The following ATG10 variants were observed in gnomAD, a reference collection of about 807,000 sequenced individuals.
ATG10 encodes autophagy related 10.
ATG10 carries 30 observed loss-of-function variants against 32.1 expected under a neutral mutation model. The observed-to-expected ratio is 0.94, with a 90% confidence interval of 0.70 to 1.27. The LOEUF is 1.27. Among genes scored for constraint, ATG10 ranks in the 50% most tolerant of loss-of-function variants. The pLI, the probability that ATG10 is intolerant of heterozygous loss-of-function variation, is 0.00. For missense variants in ATG10, 233 were observed against 262.3 expected (o/e 0.89, Z 0.77); for synonymous variants, 87 against 91.5 (o/e 0.95, Z 0.28).
Position 82,185,088 on chromosome 5 carries a change from G to T in ATG10, c.453+6501G>T, listed in dbSNP as rs1326875957. On this transcript the variant is annotated intron_variant, in intron 5 of 7. Transcript: ENST00000282185. ...TCTATTGTGTTGTGTTATTTTGTAC[G>T]CATGTATATGCACACACATGAGCAC... is the stretch of plus-strand genomic sequence containing the variant. 2.6e-5 allele frequency among the ~76,000 whole-genome samples: 4 copies of T among 152,188 alleles called. No homozygotes were observed. In the East Asian group the frequency reaches 7.7e-4, roughly 29 times the overall value.
intron 4 of ATG10, among the ~76,000 whole-genome samples, chr5:82,169,180 G>T (rs1289437289): frequency 6.6e-6 from 1 of 152,124 alleles, no homozygotes; most frequent in Non-Finnish European, 1.5e-5. Flanking sequence ...AAGAGATAAT[G>T]GTTAGGAAGG....
chr5:82,218,225 G>T (rs1363465581), intron 5 of ATG10, among the ~76,000 whole-genome samples: 1 of 152,156 alleles, frequency 6.6e-6, no homozygotes, highest in African/African-American at 2.4e-5. Context: ...CAAGTTCCCT[G>T]TGGAAGTTTA....
rs78027920 is a variant in ATG10, at chr5:82,123,635, A to C, written c.217-40764A>C. The stretch of plus-strand genomic sequence containing the variant: ...ATAAAGACCACCTTTAACATTTAGA[A>C]GTTGGAAATGGAGACCAGGCATGGT... On this transcript the variant is annotated intron_variant, in intron 3 of 7. Transcript: ENST00000282185. Among the ~76,000 whole-genome samples the C allele has an allele frequency of 9.5e-4, 145 of 152,182 alleles. 2 individuals are homozygous for C. The East Asian group carries it at 0.022, about 23-fold the overall frequency.
intron 2 of ATG10, among the ~76,000 whole-genome samples, chr5:81,991,834 T>A (rs1423450379): frequency 6.6e-6 from 1 of 151,314 alleles, no homozygotes; most frequent in East Asian, 1.9e-4. Context: ...TGTATAGGGC[T>A]CCTTTATTTT....
intron 2 of ATG10, among the ~76,000 whole-genome samples, chr5:81,995,340 G>T (rs181954330): frequency 1.3e-5 from 2 of 151,930 alleles, no homozygotes; most frequent in Non-Finnish European, 2.9e-5. Context: ...AGGGGGTGTC[G>T]CCATGTTGGC....
intron 5 of ATG10, among the ~76,000 whole-genome samples, chr5:82,197,279 A>G (rs779923754): frequency 3.9e-5 from 6 of 152,062 alleles, no homozygotes; most frequent in Non-Finnish European, 5.9e-5. Context: ...TATTAGGTCT[A>G]ATAGTTTTTT....
At chr5:82,061,818 C>T (rs1464862929) in intron 3 of ATG10, among the ~76,000 whole-genome samples, 35 of 80,964 alleles carry the variant, frequency 4.3e-4, no homozygotes, top group Admixed American at 1.3e-3. Context: ...ACACACATAC[C>T]TTTTTTTTTT....
intron 2 of ATG10, among the ~76,000 whole-genome samples, chr5:82,021,210 G>C (rs1188648742): frequency 6.6e-6 from 1 of 152,106 alleles, no homozygotes; most frequent in Non-Finnish European, 1.5e-5. Flanking sequence ...TAAAATGTAT[G>C]GAATTTGGTA....
chr5:82,002,466 A>G (rs1761877298), intron 2 of ATG10, among the ~76,000 whole-genome samples: 1 of 152,256 alleles, frequency 6.6e-6, no homozygotes, highest in South Asian at 2.1e-4. Context: ...TAGCCATAAA[A>G]AAAGAAAAAG....
chr5:82,025,128 C>T (rs748654509), intron 2 of ATG10, among the ~76,000 whole-genome samples: 1 of 152,162 alleles, frequency 6.6e-6, no homozygotes. Context: ...AGTTTTACCT[C>T]GGATAGCTTA....
chr5:82,007,952 TTA>T (rs1279517775), intron 2 of ATG10, among the ~76,000 whole-genome samples: 1 of 152,200 alleles, frequency 6.6e-6, no homozygotes. Flanking sequence ...TTCCTAAAAT[TTA>T]GTTACAATTT....
At chr5:82,178,139 C>A (rs1744103517) in intron 4 of ATG10, among the ~76,000 whole-genome samples, 1 of 152,126 alleles carries the variant, frequency 6.6e-6, no homozygotes, top group Non-Finnish European at 1.5e-5. Flanking sequence ...TCAGAGTATT[C>A]ATGGTGCACC....
At chr5:82,010,402 G>C (rs1762097509) in intron 2 of ATG10, among the ~76,000 whole-genome samples, 1 of 152,180 alleles carries the variant, frequency 6.6e-6, no homozygotes, top group African/African-American at 2.4e-5. Context: ...TAAATTTGGA[G>C]TGAAATTATG....
At chr5:82,153,092 C>T (rs1292309012) in intron 3 of ATG10, among the ~76,000 whole-genome samples, 1 of 152,142 alleles carries the variant, frequency 6.6e-6, no homozygotes, top group African/African-American at 2.4e-5. Flanking sequence ...TGGATAAGGC[C>T]TCAAGATGTA....
In ATG10 at chr5:81,983,010, C is replaced by A. The variant is rs1353132509; in HGVS notation, c.-12-4549C>A. 2.6e-5 allele frequency among the ~76,000 whole-genome samples: 4 copies of A among 152,364 alleles called. No homozygotes were observed. In the East Asian group the frequency reaches 7.7e-4, roughly 29 times the overall value. On this transcript the variant is annotated intron_variant, in intron 1 of 7. Coordinates refer to ENST00000282185, the MANE Select transcript of ATG10 (RefSeq NM_031482.5). ...CTCAGTCTTTTCCCCACCTTTCCCC[C>A]CTTTCTATTCCACAAAACCGCCATT...
At chr5:82,036,623 C>T (rs79277337) in intron 2 of ATG10, among the ~76,000 whole-genome samples, 1 of 151,976 alleles carries the variant, frequency 6.6e-6, no homozygotes, top group East Asian at 1.9e-4. Flanking sequence ...TACAAATGCA[C>T]TTTAGTTGAT....
At chr5:82,064,797 A>G (rs969550357) in intron 3 of ATG10, among the ~76,000 whole-genome samples, 7 of 152,174 alleles carry the variant, frequency 4.6e-5, no homozygotes, top group African/African-American at 1.7e-4. Flanking sequence ...AACAATAACA[A>G]TATTATAATA....
intron 5 of ATG10, among the ~76,000 whole-genome samples, chr5:82,214,879 C>T (rs1745618935): frequency 6.6e-6 from 1 of 152,162 alleles, no homozygotes; most frequent in Admixed American, 6.5e-5. Flanking sequence ...GTTTCATTCT[C>T]CACTGTATTA....
chr5:82,094,604 T>A (rs1764993480), intron 3 of ATG10, among the ~76,000 whole-genome samples: 1 of 152,124 alleles, frequency 6.6e-6, no homozygotes, highest in Admixed American at 6.6e-5. Flanking sequence ...TTAAAAAGTA[T>A]TTTTTAAATA....
Sources: gnomAD v4.1 joint callset for allele counts (sites outside exome capture counted in the v4.1 genomes callset) on GRCh38, gnomAD v4.1.1 for gene constraint, MANE v1.5 for transcripts, NCBI Gene and HGNC (gene_info 2026-07-23, HGNC 2026-07-21) for gene names.